The following MARCHF11 variants were observed in gnomAD, a reference collection of about 807,000 sequenced individuals.
The protein encoded by MARCHF11 is E3 ubiquitin-protein ligase MARCHF11.
In MARCHF11, 29 loss-of-function variants were observed where a neutral mutation model predicts 37.3. The observed-to-expected ratio is 0.78, with a 90% confidence interval of 0.58 to 1.06. The LOEUF (loss-of-function observed/expected upper bound fraction) is 1.06, where lower values mean the gene tolerates loss of function less well. Among genes scored for constraint, MARCHF11 ranks in the 50% least tolerant of loss-of-function variants. The pLI, the probability that MARCHF11 is intolerant of heterozygous loss-of-function variation, is 0.00. For synonymous variants in MARCHF11, 233 were observed against 228.0 expected, an observed-to-expected ratio of 1.02 and a Z score of -0.20; for missense variants, 482 against 533.4, an observed-to-expected ratio of 0.90 and a Z score of 0.95.
At chr5:16,128,106 G>A (rs766605012) in intron 2 of MARCHF11, among the ~76,000 whole-genome samples, 4 of 152,086 alleles carry the variant, frequency 2.6e-5, no homozygotes, top group Non-Finnish European at 5.9e-5. Flanking sequence ...TACCACCCAC[G>A]AAACCTGCTG....
At chr5:16,133,239 GT>G (rs1737549180) in intron 2 of MARCHF11, among the ~76,000 whole-genome samples, 1 of 152,084 alleles carries the variant, frequency 6.6e-6, no homozygotes, top group South Asian at 2.1e-4. Flanking sequence ...TCTCTGATTT[GT>G]TTTTCCCAAC....
At chr5:16,140,163 C>G (rs2126591012) in intron 2 of MARCHF11, among the ~76,000 whole-genome samples, 1 of 152,018 alleles carries the variant, frequency 6.6e-6, no homozygotes, top group African/African-American at 2.4e-5. Flanking sequence ...CCATAATGGG[C>G]TGAGAGGAAA....
At chr5:16,089,365 T>G (rs1736753939) in intron 3 of MARCHF11, among the ~76,000 whole-genome samples, 1 of 152,220 alleles carries the variant, frequency 6.6e-6, no homozygotes, top group South Asian at 2.1e-4. Flanking sequence ...ATTAGAGCAA[T>G]GCCCTAGAGA....
intron 2 of MARCHF11, among the ~76,000 whole-genome samples, chr5:16,116,766 C>A (rs1737232457): frequency 6.6e-6 from 1 of 152,128 alleles, no homozygotes. Context: ...TCTAAACCTA[C>A]AAATGAACGT....
intron 2 of MARCHF11, chr5:16,141,353 T>G (rs911151336): frequency 2.0e-5 from 3 of 152,302 alleles, no homozygotes; most frequent in African/African-American, 7.2e-5. Flanking sequence ...TTTCTGGTCT[T>G]AAATCTAAAG....
chr5:16,085,591 C>CGGGGGGGGGG (rs5866169), intron 3 of MARCHF11, among the ~76,000 whole-genome samples: 1 of 82,256 alleles, frequency 1.2e-5, no homozygotes, highest in Non-Finnish European at 2.6e-5. Context: ...TGGGTGGGGT[C>CGGGGGGGGGG]GGGGGGGGGA....
intron 2 of MARCHF11, among the ~76,000 whole-genome samples, chr5:16,159,452 T>C (rs1738036302): frequency 6.6e-6 from 1 of 151,960 alleles, no homozygotes; most frequent in South Asian, 2.1e-4. Context: ...TTGCACACCA[T>C]TCATTTTCAG....
chr5:16,109,568 T>G (rs372769899), intron 2 of MARCHF11, among the ~76,000 whole-genome samples: 221 of 152,328 alleles, frequency 1.5e-3, no homozygotes, highest in African/African-American at 5.2e-3. Context: ...TCCTGAGTCG[T>G]ATCCTCTATA....
intron 3 of MARCHF11, among the ~76,000 whole-genome samples, chr5:16,076,829 C>T (rs576238927): frequency 2.0e-5 from 3 of 152,318 alleles, no homozygotes; most frequent in East Asian, 1.9e-4. Flanking sequence ...ACTCAGACAT[C>T]GGGAGCCATC....
intron 3 of MARCHF11, among the ~76,000 whole-genome samples, chr5:16,075,446 T>C (rs1310356148): frequency 6.6e-6 from 1 of 152,220 alleles, no homozygotes; most frequent in Non-Finnish European, 1.5e-5. Context: ...TTACTACCTG[T>C]ACTATAATGA....
intron 2 of MARCHF11, among the ~76,000 whole-genome samples, chr5:16,158,994 A>G (rs1306759641): frequency 6.6e-6 from 1 of 151,946 alleles, no homozygotes; most frequent in Non-Finnish European, 1.5e-5. Flanking sequence ...AATGATAAGT[A>G]TGCAAGATAA....
intron 2 of MARCHF11, among the ~76,000 whole-genome samples, chr5:16,168,412 T>C (rs1415904126): frequency 6.6e-6 from 1 of 152,134 alleles, no homozygotes; most frequent in African/African-American, 2.4e-5. Flanking sequence ...TGGCTTCGCA[T>C]GTTTTAATGT....
intron 2 of MARCHF11, among the ~76,000 whole-genome samples, chr5:16,117,113 T>C (rs901336862): frequency 6.6e-6 from 1 of 152,198 alleles, no homozygotes; most frequent in African/African-American, 2.4e-5. Context: ...TTTTACTGAT[T>C]AGCAAGAAGA....
Position 16,155,698 on chromosome 5 carries a change from A to T in MARCHF11, c.693+22028T>A, listed in dbSNP as rs193205451. Among the ~76,000 whole-genome samples the T allele has an allele frequency of 4.6e-5, 7 of 152,036 alleles. No homozygotes were observed. In the East Asian group the frequency reaches 1.4e-3, roughly 30 times the overall value. On this transcript the variant is annotated intron_variant, in intron 2 of 3. Coordinates refer to ENST00000332432, the MANE Select transcript of MARCHF11 (RefSeq NM_001102562.3). ...TAAAAGTAAAATACAATTTTCCTAA[A>T]CTGCTTGTTCTTGCCCGATTTTTGG...
chr5:16,087,183 T>C (rs990705965), intron 3 of MARCHF11, among the ~76,000 whole-genome samples: 3 of 152,250 alleles, frequency 2.0e-5, no homozygotes, highest in African/African-American at 4.8e-5. Flanking sequence ...GTGAACTTTG[T>C]AATAAGTACA....
intron 2 of MARCHF11, 108 bp from the exon 3 acceptor site, chr5:16,091,189 T>C (rs1286172351): frequency 1.3e-6 from 1 of 785,142 alleles, no homozygotes; most frequent in Non-Finnish European, 1.8e-6. Flanking sequence ...CCCTTTGAAA[T>C]CTGATGAGAC....
intron 2 of MARCHF11, among the ~76,000 whole-genome samples, chr5:16,098,121 C>A (rs1272353183): frequency 6.6e-6 from 1 of 152,154 alleles, no homozygotes; most frequent in East Asian, 1.9e-4. Flanking sequence ...GGTATACTCT[C>A]ATTCATGATG....
intron 2 of MARCHF11, among the ~76,000 whole-genome samples, chr5:16,091,456 T>G (rs1431165551): frequency 6.6e-6 from 1 of 152,232 alleles, no homozygotes; most frequent in Non-Finnish European, 1.5e-5. Context: ...ATCTGGTAAT[T>G]TAGTTTGCTC....
At chr5:16,169,208 A>T (rs1004030926) in intron 2 of MARCHF11, among the ~76,000 whole-genome samples, 1 of 152,052 alleles carries the variant, frequency 6.6e-6, no homozygotes, top group African/African-American at 2.4e-5. Flanking sequence ...GACCATATCA[A>T]ACAAAGGAGT....
Sources: gnomAD v4.1 joint callset for allele counts (sites outside exome capture counted in the v4.1 genomes callset) on GRCh38, gnomAD v4.1.1 for gene constraint, MANE v1.5 for transcripts, NCBI Gene and HGNC (gene_info 2026-07-23, HGNC 2026-07-21) for gene names.